Variants in NELL2 observed in about 807,000 individuals in gnomAD.
NELL2 encodes protein kinase C-binding protein NELL2.
NELL2 carries 41 observed loss-of-function variants against 109.6 expected under a neutral mutation model. The ratio of observed to expected loss-of-function variants is 0.37; its 90% CI spans 0.29 to 0.49. The LOEUF (loss-of-function observed/expected upper bound fraction) is 0.49. Among genes scored for constraint, NELL2 ranks in the 20% least tolerant of loss-of-function variants. The pLI is 0.98. For synonymous variants in NELL2, 355 were observed against 344.7 expected, an observed-to-expected ratio of 1.03 and a Z score of -0.33; for missense variants, 900 against 1,008.3, an observed-to-expected ratio of 0.89 and a Z score of 1.45.
At chr12:44,544,890 G>T (rs377653005) in intron 15 of NELL2, among the ~76,000 whole-genome samples, 1 of 151,968 alleles carries the variant, frequency 6.6e-6, no homozygotes, top group Non-Finnish European at 1.5e-5. Context: ...TTTGATGAAA[G>T]TACTAAAGTT....
At chr12:44,741,626 G>T (rs575966111) in intron 9 of NELL2, among the ~76,000 whole-genome samples, 6 of 152,218 alleles carry the variant, frequency 3.9e-5, no homozygotes, top group Non-Finnish European at 7.3e-5. Context: ...TTTTCCAACA[G>T]GCTTAAAAAA....
intron 13 of NELL2, among the ~76,000 whole-genome samples, chr12:44,663,690 G>A (rs1469725663): frequency 2.6e-5 from 4 of 152,148 alleles, no homozygotes; most frequent in Non-Finnish European, 4.4e-5. Flanking sequence ...AAGTGCACTG[G>A]GAGAGGCGAA....
At chr12:44,677,634 A>T (rs1236882216) in intron 12 of NELL2, among the ~76,000 whole-genome samples, 1 of 152,136 alleles carries the variant, frequency 6.6e-6, no homozygotes, top group Non-Finnish European at 1.5e-5. Context: ...GGAAGCTAGG[A>T]GGAAGCTCAC....
At chr12:44,638,784 C>T (rs1473739618) in intron 13 of NELL2, among the ~76,000 whole-genome samples, 1 of 152,170 alleles carries the variant, frequency 6.6e-6, no homozygotes, top group Admixed American at 6.6e-5. Flanking sequence ...CTTGCAGACA[C>T]TATGTACAGG....
intron 1 of NELL2, among the ~76,000 whole-genome samples, chr12:44,912,655 C>T (rs1449989159): frequency 3.9e-5 from 6 of 152,122 alleles, no homozygotes; most frequent in Non-Finnish European, 7.4e-5. Flanking sequence ...ACCTAATAAA[C>T]TTTTATTTAG....
At chr12:44,743,787 C>T (rs1940154479) in intron 9 of NELL2, among the ~76,000 whole-genome samples, 1 of 152,164 alleles carries the variant, frequency 6.6e-6, no homozygotes, top group African/African-American at 2.4e-5. Flanking sequence ...CAGGAGCACC[C>T]AGATTCATAA....
intron 12 of NELL2, among the ~76,000 whole-genome samples, chr12:44,668,670 A>G (rs189931166): frequency 6.6e-6 from 1 of 152,106 alleles, no homozygotes; most frequent in East Asian, 1.9e-4. Context: ...GAATACACGC[A>G]CACTATCCAG....
intron 13 of NELL2, among the ~76,000 whole-genome samples, chr12:44,649,564 ATAC>A (rs1319303351): frequency 2.0e-5 from 3 of 152,294 alleles, no homozygotes; most frequent in African/African-American, 7.2e-5. Context: ...GGGGTGATAC[ATAC>A]TACAATTGCC....
intron 15 of NELL2, among the ~76,000 whole-genome samples, chr12:44,590,761 T>C (rs1289047680): frequency 6.6e-6 from 1 of 151,952 alleles, no homozygotes; most frequent in East Asian, 1.9e-4. Flanking sequence ...AAAGCAAAAG[T>C]AGACAAATGG....
intron 16 of NELL2, among the ~76,000 whole-genome samples, chr12:44,532,006 TA>T (rs1565882179): frequency 5.3e-5 from 8 of 152,122 alleles, no homozygotes; most frequent in African/African-American, 1.9e-4. Flanking sequence ...AAATTAATGG[TA>T]ACTAATTGAA....
At chr12:44,760,227 G>A (rs1941064383) in intron 9 of NELL2, among the ~76,000 whole-genome samples, 1 of 152,132 alleles carries the variant, frequency 6.6e-6, no homozygotes, top group African/African-American at 2.4e-5. Context: ...CTTAGCCCAT[G>A]AGACTTCTTT....
At chr12:44,741,026 G>C (rs950453715) in intron 9 of NELL2, among the ~76,000 whole-genome samples, 2 of 152,120 alleles carry the variant, frequency 1.3e-5, no homozygotes, top group African/African-American at 4.8e-5. Flanking sequence ...TGAACAACAT[G>C]AGATTGAACT....
In NELL2 at chr12:44,665,543, C is replaced by T. The variant is rs1186606518; in HGVS notation, c.1385G>A (p.Gly462Asp). The T allele has an allele frequency of 1.2e-6, 2 of 1,613,402 alleles. No individual in the cohort carries two copies. The highest frequency in any genetic ancestry group is 1.3e-5 in the African/African-American group (1 of 74,898). The stretch of plus-strand genomic sequence containing the variant: ...AGTTTTGCAGATGCACATAAAAGAA[C>T]CCGGGGTGTTGACACACATTGTATT... ...RENTMCVNTPGSFMCICKTGY... is the reference protein window; with the variant it reads ...RENTMCVNTPDSFMCICKTGY... The change falls in exon 13 of 20, where the codon GGT (glycine) becomes GAT (aspartate). Residue 462 changes from glycine (G) to aspartate (D), a missense_variant. Transcript: ENST00000429094.
chr12:44,777,924 T>C (rs1411060724), intron 5 of NELL2, among the ~76,000 whole-genome samples: 4 of 152,304 alleles, frequency 2.6e-5, no homozygotes, highest in South Asian at 2.1e-4. Flanking sequence ...CTGTTTTACA[T>C]AGAAAATTTT....
At chr12:44,731,851 T>A (rs147795357) in intron 9 of NELL2, among the ~76,000 whole-genome samples, 114 of 152,174 alleles carry the variant, frequency 7.5e-4, no homozygotes, top group African/African-American at 2.6e-3. Flanking sequence ...AAAGATCTGT[T>A]AAAGCTCTTG....
At chr12:44,657,698 C>T (rs1947564585) in intron 13 of NELL2, among the ~76,000 whole-genome samples, 1 of 152,072 alleles carries the variant, frequency 6.6e-6, no homozygotes, top group African/African-American at 2.4e-5. Context: ...TCTCATTGTT[C>T]AACACTCACT....
intron 15 of NELL2, among the ~76,000 whole-genome samples, chr12:44,568,594 T>C (rs2136192299): frequency 6.6e-6 from 1 of 152,194 alleles, no homozygotes; most frequent in South Asian, 2.1e-4. Context: ...TTGAGGGATA[T>C]GTATATAATA....
chr12:44,554,796 T>A (rs1943181730), intron 15 of NELL2, among the ~76,000 whole-genome samples: 1 of 152,226 alleles, frequency 6.6e-6, no homozygotes, highest in South Asian at 2.1e-4. Context: ...GGAGCCAGAA[T>A]TAGCCTTCAG....
intron 15 of NELL2, among the ~76,000 whole-genome samples, chr12:44,540,780 C>CTAAAAAAAAAAAAAAAAA (rs1565895508): frequency 1.3e-4 from 1 of 7,926 alleles, no homozygotes; most frequent in Non-Finnish European, 2.3e-4. Flanking sequence ...AGTCTGCAAG[C>CTAAAAAAAAAAAAAAAAA]CAAAAAAAAA....
Sources: gnomAD v4.1 joint callset for allele counts (sites outside exome capture counted in the v4.1 genomes callset) on GRCh38, gnomAD v4.1.1 for gene constraint, MANE v1.5 for transcripts, NCBI Gene and HGNC (gene_info 2026-07-23, HGNC 2026-07-21) for gene names.